The following MYO16 variants were observed in gnomAD, a reference collection of about 807,000 sequenced individuals.
MYO16 encodes the protein myosin XVI.
MYO16 carries 94 observed loss-of-function variants against 205.3 expected under a neutral mutation model. The observed-to-expected ratio is 0.46, with a 90% CI of 0.39 to 0.54. MYO16 has a LOEUF of 0.54. MYO16 is among the 20% of genes least tolerant of loss of function. The probability of loss-of-function intolerance (pLI) is 0.00; values close to 1 mark genes in which losing one functional copy is unlikely to be tolerated. For missense variants in MYO16, 2,315 were observed against 2,387.5 expected, an observed-to-expected ratio of 0.97 and a Z score of 0.63; for synonymous variants, 988 against 954.0, an observed-to-expected ratio of 1.04 and a Z score of -0.66.
intron 2 of MYO16, among the ~76,000 whole-genome samples, chr13:108,696,493 A>G (rs1386558235): frequency 6.6e-6 from 1 of 152,204 alleles, no homozygotes; most frequent in Non-Finnish European, 1.5e-5. Context: ...CAAAGAGGAC[A>G]TGCTGCATTT....
At chr13:108,767,559 G>A (rs777258229) in intron 4 of MYO16, among the ~76,000 whole-genome samples, 1 of 152,080 alleles carries the variant, frequency 6.6e-6, no homozygotes, top group Non-Finnish European at 1.5e-5. Context: ...AACATGGTTG[G>A]GTCTCAGTAT....
At chr13:108,571,766 T>A in the MYO16 span, among the ~76,000 whole-genome samples, 3 of 147,680 alleles carry the variant, frequency 2.0e-5, no homozygotes, top group Non-Finnish European at 4.5e-5. Context: ...CAAGGGCTTT[T>A]CTATATTTGA....
intron 27 of MYO16, among the ~76,000 whole-genome samples, chr13:109,068,294 G>A (rs958515863): frequency 2.6e-5 from 4 of 152,134 alleles, no homozygotes; most frequent in East Asian, 1.9e-4. Flanking sequence ...CTAGATTAAC[G>A]ATTAAATTAG....
chr13:108,606,957 A>G (rs375822066), intron 1 of MYO16, among the ~76,000 whole-genome samples: 63 of 152,276 alleles, frequency 4.1e-4, no homozygotes, highest in African/African-American at 1.5e-3. Context: ...GAGTCAAAGG[A>G]GATCGTTTTG....
intron 5 of MYO16, among the ~76,000 whole-genome samples, chr13:108,789,997 G>A (rs1327435852): frequency 1.3e-5 from 2 of 152,116 alleles, no homozygotes; most frequent in Non-Finnish European, 2.9e-5. Context: ...ACACTAAGCT[G>A]AAGGTGAGGG....
At chr13:108,526,580 G>A in the MYO16 span, among the ~76,000 whole-genome samples, 115 of 152,206 alleles carry the variant, frequency 7.6e-4, no homozygotes, top group South Asian at 0.021. Flanking sequence ...ATTACTGAAC[G>A]AATAGTGCTA....
At chr13:109,035,192 C>A (rs1020948257) in intron 23 of MYO16, among the ~76,000 whole-genome samples, 3 of 152,170 alleles carry the variant, frequency 2.0e-5, no homozygotes, top group African/African-American at 7.2e-5. Flanking sequence ...TTTATTGCCA[C>A]CCTCTTAGAT....
At chr13:109,103,018 C>A (rs1889019218) in intron 28 of MYO16, among the ~76,000 whole-genome samples, 1 of 152,128 alleles carries the variant, frequency 6.6e-6, no homozygotes. Context: ...GACAGTATTT[C>A]TTCAGCTTCT....
chr13:108,772,268 A>C (rs933790691), intron 4 of MYO16, among the ~76,000 whole-genome samples: 1 of 152,074 alleles, frequency 6.6e-6, no homozygotes, highest in Non-Finnish European at 1.5e-5. Flanking sequence ...CTGAGGCAGG[A>C]GAGCCTGGGA....
At chr13:109,060,597 C>T (rs537605543) in intron 27 of MYO16, among the ~76,000 whole-genome samples, 1 of 152,112 alleles carries the variant, frequency 6.6e-6, no homozygotes, top group Non-Finnish European at 1.5e-5. Flanking sequence ...CACATGTATA[C>T]CTATGTAACA....
intron 27 of MYO16, among the ~76,000 whole-genome samples, chr13:109,091,877 G>T (rs963210270): frequency 3.9e-5 from 6 of 152,150 alleles, no homozygotes; most frequent in South Asian, 4.1e-4. Context: ...GAATATAACC[G>T]TAATAAGATA....
At chr13:109,079,879 C>CT (rs35912610) in intron 27 of MYO16, among the ~76,000 whole-genome samples, 13,637 of 138,324 alleles carry the variant, frequency 0.099, 879 homozygotes, top group African/African-American at 0.14. Context: ...TTCTTTATTT[C>CT]TTTTTTTTTT....
intron 27 of MYO16, among the ~76,000 whole-genome samples, chr13:109,085,676 G>A (rs145112921): frequency 1.1e-3 from 160 of 152,252 alleles, no homozygotes; most frequent in African/African-American, 3.8e-3. Context: ...GTTTGTGATC[G>A]CTAAAGAAAG....
intron 1 of MYO16, among the ~76,000 whole-genome samples, chr13:108,609,415 G>T (rs1879088834): frequency 6.6e-6 from 1 of 152,174 alleles, no homozygotes; most frequent in African/African-American, 2.4e-5. Flanking sequence ...CAGGGCCCAG[G>T]TCTGTTCTGC....
At position 109,140,815 on chromosome 13, in the gene MYO16, C is replaced by T. The variant is rs774921047; in HGVS notation, c.4603C>T (p.Pro1535Ser). 3.1e-6 allele frequency: 5 copies of T among 1,591,124 alleles called. No homozygotes were observed. In the South Asian group the frequency reaches 3.4e-5, roughly 11 times the overall value. Residue 1535 changes from proline (P) to serine (S), a missense_variant, in exon 32 of 35, where the codon CCC becomes TCC. This residue lies in a region of MYO16 where 1,097 missense variants were observed against 1,092.0 expected (regional missense o/e 1.00). Transcript: ENST00000457511. The surrounding 1 kb of genome is among the most constrained non-coding windows in gnomAD (Gnocchi z 8.0). The part of the protein sequence containing the change: ...SPASDESPLT[P>S]LEVKKLPVLE... ...CGCCTCCGACGAGTCGCCCCTGACA[C>T]CCCTGGAGGTGAAGAAGCTGCCAGT...
intron 33 of MYO16, among the ~76,000 whole-genome samples, chr13:109,168,335 G>A (rs1434961752): frequency 1.3e-5 from 2 of 152,150 alleles, no homozygotes; most frequent in South Asian, 2.1e-4. Flanking sequence ...TAAGGATTCT[G>A]AAAGAGTAAA....
Position 108,753,383 on chromosome 13 carries a change from A to AAAAAAAAAAAC in MYO16, c.507+25810_507+25811insCAAAAAAAAAA, listed in dbSNP as rs1414125399. Among the ~76,000 whole-genome samples, 518 of 147,292 alleles carry AAAAAAAAAAAC rather than the reference A, an allele frequency of 3.5e-3. 4 individuals are homozygous for AAAAAAAAAAAC. The highest frequency in any genetic ancestry group is 0.013 in the African/African-American group (489 of 37,288). ...AAAACTCTGTGACAAAAAAAAAAAA[A>AAAAAAAAAAAC]AAAAAAAAAAAACAATAAAATATAA... is the stretch of plus-strand genomic sequence containing the variant. On this transcript the variant is annotated intron_variant, in intron 4 of 34. Transcript: ENST00000457511.
intron 4 of MYO16, among the ~76,000 whole-genome samples, chr13:108,764,758 AC>A (rs1885724504): frequency 6.6e-6 from 1 of 152,100 alleles, no homozygotes; most frequent in African/African-American, 2.4e-5. Context: ...TGGATGGTTG[AC>A]CTTTAATTAT....
In MYO16 at chr13:108,727,395, C is replaced by T. The variant is rs184347246; in HGVS notation, c.364-45C>T. The stretch of plus-strand genomic sequence containing the variant: ...TGTGGACATTTGGAATAAGCCATAT[C>T]ACAGTTTGTAATAATTTGATATTTC... On this transcript the variant is annotated intron_variant, in intron 3 of 34. Coordinates refer to ENST00000457511, the MANE Select transcript of MYO16 (RefSeq NM_001198950.3). 1.9e-6 allele frequency: 3 copies of T among 1,582,722 alleles called. No individual in the cohort carries two copies. The Admixed American group carries it at 5.2e-5, about 27-fold the overall frequency.
Sources: gnomAD v4.1 joint callset for allele counts (sites outside exome capture counted in the v4.1 genomes callset) on GRCh38, gnomAD v4.1.1 for gene constraint, gnomAD v4.1.1 regional missense constraint, Gnocchi (gnomAD v3.1) non-coding constraint, MANE v1.5 for transcripts, NCBI Gene and HGNC (gene_info 2026-07-23, HGNC 2026-07-21) for gene names.